The following SEMA6D variants were observed in gnomAD, a reference collection of about 807,000 sequenced individuals.
The protein encoded by SEMA6D is semaphorin 6D, also known as semaphorin-6D.
In SEMA6D, 35 loss-of-function variants were observed where a neutral mutation model predicts 106.6. The observed-to-expected ratio is 0.33, with a 90% CI of 0.25 to 0.44. The LOEUF is 0.44. Among genes scored for constraint, SEMA6D ranks in the 20% least tolerant of loss-of-function variants. The pLI, the probability that SEMA6D is intolerant of heterozygous loss-of-function variation, is 1.00. For synonymous variants in SEMA6D, 499 were observed against 487.7 expected (o/e 1.02, Z -0.31); for missense variants, 1,185 against 1,345.9 (o/e 0.88, Z 1.87).
At chr15:47,570,337 A>G (rs906496943) in intron 3 of SEMA6D, among the ~76,000 whole-genome samples, 3 of 152,088 alleles carry the variant, frequency 2.0e-5, no homozygotes, top group Admixed American at 1.3e-4. Context: ...GCCATTACTC[A>G]CCTGGAAGAA....
chr15:47,629,689 G>A (rs1338507210), intron 4 of SEMA6D, among the ~76,000 whole-genome samples: 1 of 151,724 alleles, frequency 6.6e-6, no homozygotes, highest in Non-Finnish European at 1.5e-5. Flanking sequence ...TTATCTAACT[G>A]TGTGTTTGTA....
At chr15:47,356,912 G>A (rs1201469840) in intron 1 of SEMA6D, among the ~76,000 whole-genome samples, 3 of 152,152 alleles carry the variant, frequency 2.0e-5, no homozygotes, top group Admixed American at 6.5e-5. Flanking sequence ...ATGCATAAGT[G>A]AGAATAGAAC....
At position 47,552,863 on chromosome 15, in the gene SEMA6D, TA is replaced by T. The variant is rs1390544514; in HGVS notation, c.-86-48001del. On this transcript the variant is annotated intron_variant, in intron 3 of 19. Transcript: ENST00000558014. ...ATATAAATATATATAAATATATATATATTTTTATATATATATAAATATATAT... is the reference window on the plus strand; with the variant it reads ...ATATAAATATATATAAATATATATATTTTTTATATATATATAAATATATAT... Among the ~76,000 whole-genome samples the T allele has an allele frequency of 2.2e-3, 151 of 68,848 alleles. 2 individuals carry two copies. The highest frequency in any genetic ancestry group is 2.9e-3 in the Non-Finnish European group (128 of 44,372). The allele number at this position is 68,848 out of a possible 152,430, so 45.2% of individuals were successfully genotyped here. A position where few individuals can be genotyped will look rare whatever the true frequency, so the allele number is the denominator to read the frequency against.
chr15:47,655,817 A>G (rs1317158722), intron 4 of SEMA6D, among the ~76,000 whole-genome samples: 4 of 152,212 alleles, frequency 2.6e-5, no homozygotes, highest in Admixed American at 2.6e-4. Context: ...GAATTCACCT[A>G]CTTGCCAAAA....
chr15:47,515,172 A>C (rs2044350767), intron 3 of SEMA6D, among the ~76,000 whole-genome samples: 1 of 151,712 alleles, frequency 6.6e-6, no homozygotes, highest in Non-Finnish European at 1.5e-5. Flanking sequence ...CAATATCACT[A>C]ACTCCCTCAC....
At chr15:47,756,679 T>C (rs2081760252) in intron 1 of SEMA6D, among the ~76,000 whole-genome samples, 1 of 152,136 alleles carries the variant, frequency 6.6e-6, no homozygotes, top group Non-Finnish European at 1.5e-5. Context: ...TTTTTCAGCA[T>C]AACTAGTATC....
intron 4 of SEMA6D, among the ~76,000 whole-genome samples, chr15:47,682,563 C>T (rs1463832810): frequency 2.6e-5 from 4 of 152,178 alleles, no homozygotes; most frequent in Non-Finnish European, 5.9e-5. Context: ...GAATTGGTAA[C>T]CTCAGTGACC....
chr15:47,438,515 C>A (rs1227299379), intron 2 of SEMA6D, among the ~76,000 whole-genome samples: 1 of 152,062 alleles, frequency 6.6e-6, no homozygotes, highest in Non-Finnish European at 1.5e-5. Flanking sequence ...CTCTTCTCCT[C>A]CCCTAAAATC....
rs775512765 is a variant in SEMA6D, at chr15:47,435,370, A to AT, written c.-159+22899dup. On this transcript the variant is annotated intron_variant, in intron 2 of 19. Transcript: ENST00000558014. ...TAGGTTCTCACTCTACTCTGTCACC[A>AT]TCTTCTGTAGCAAAATTTGGCTTCC... is the stretch of plus-strand genomic sequence containing the variant. Among the ~76,000 whole-genome samples the AT allele has an allele frequency of 7.9e-5, 12 of 152,178 alleles. No individual in the cohort carries two copies. The East Asian group carries it at 2.1e-3, about 27-fold the overall frequency.
intron 4 of SEMA6D, among the ~76,000 whole-genome samples, chr15:47,709,539 G>A (rs1164196449): frequency 6.6e-6 from 1 of 152,134 alleles, no homozygotes; most frequent in Non-Finnish European, 1.5e-5. Flanking sequence ...AATAATAAAT[G>A]GTGAAATGAA....
intron 4 of SEMA6D, among the ~76,000 whole-genome samples, chr15:47,680,185 T>G (rs1181790825): frequency 2.0e-5 from 3 of 152,180 alleles, no homozygotes; most frequent in Non-Finnish European, 4.4e-5. Context: ...TTTGTTGCCC[T>G]TTTCATCACC....
At chr15:47,485,078 T>G (rs2043258680) in intron 3 of SEMA6D, among the ~76,000 whole-genome samples, 1 of 152,210 alleles carries the variant, frequency 6.6e-6, no homozygotes, top group East Asian at 1.9e-4. Flanking sequence ...AGAGAACACT[T>G]CAAATTGGCA....
At chr15:47,568,901 A>G (rs940893587) in intron 3 of SEMA6D, among the ~76,000 whole-genome samples, 2 of 152,106 alleles carry the variant, frequency 1.3e-5, no homozygotes, top group African/African-American at 4.8e-5. Flanking sequence ...TAATATTATT[A>G]TTATGGCCAT....
At chr15:47,463,162 T>C (rs2042562843) in intron 2 of SEMA6D, among the ~76,000 whole-genome samples, 1 of 152,166 alleles carries the variant, frequency 6.6e-6, no homozygotes, top group Non-Finnish European at 1.5e-5. Context: ...ACCTAGTTTT[T>C]CATTTTGGTG....
chr15:47,290,972 A>G lies in SEMA6D; in HGVS notation c.-239+106554A>G, dbSNP rs538751604. The stretch of plus-strand genomic sequence containing the variant: ...TCTTATACAGAACCATTTATGTGAT[A>G]CCGTCTCTTGTAATGAATTTCTGTT... On this transcript the variant is annotated intron_variant, in intron 1 of 19. Coordinates refer to the SEMA6D transcript ENST00000558014. 3.9e-5 allele frequency among the ~76,000 whole-genome samples: 6 copies of G among 152,362 alleles called. No homozygotes were observed. In the East Asian group the frequency reaches 7.7e-4, roughly 20 times the overall value.
chr15:47,655,497 A>G (rs1051731153), intron 4 of SEMA6D, among the ~76,000 whole-genome samples: 1 of 152,232 alleles, frequency 6.6e-6, no homozygotes, highest in Non-Finnish European at 1.5e-5. Flanking sequence ...CTTAAATAAG[A>G]CCACAAGAAG....
chr15:47,658,663 T>C (rs1222673999), intron 4 of SEMA6D, among the ~76,000 whole-genome samples: 1 of 152,216 alleles, frequency 6.6e-6, no homozygotes, highest in East Asian at 1.9e-4. Context: ...GTCTGTCATT[T>C]TCTAGTGTCT....
chr15:47,325,589 TA>T (rs1385140240), intron 1 of SEMA6D, among the ~76,000 whole-genome samples: 3 of 152,176 alleles, frequency 2.0e-5, no homozygotes, highest in Admixed American at 6.5e-5. Context: ...TCTCTAAAAG[TA>T]AAAACAACCT....
chr15:47,253,981 T>C (rs191580232), intron 1 of SEMA6D, among the ~76,000 whole-genome samples: 16 of 152,294 alleles, frequency 1.1e-4, no homozygotes, highest in African/African-American at 3.4e-4. Context: ...TTTCAATCAT[T>C]GAGCATTGAG....
Sources: allele counts gnomAD v4.1 joint callset (sites outside exome capture counted in the v4.1 genomes callset), GRCh38; gene constraint gnomAD v4.1.1; transcripts MANE v1.5; gene names NCBI Gene and HGNC (gene_info 2026-07-23, HGNC 2026-07-21).